The following ERC1 variants were observed in gnomAD, a reference collection of about 807,000 sequenced individuals.
ERC1 encodes RAB6 interacting protein 2.
ERC1 carries 56 observed loss-of-function variants against 132.0 expected under a neutral mutation model. The ratio of observed to expected loss-of-function variants is 0.42; its 90% CI spans 0.34 to 0.53. The LOEUF (loss-of-function observed/expected upper bound fraction) is 0.53. Ranked by LOEUF, ERC1 falls within the 20% of genes least tolerant of loss-of-function variation. The pLI is 0.03. For synonymous variants in ERC1, 478 were observed against 476.1 expected, an observed-to-expected ratio of 1.00 and a Z score of -0.05; for missense variants, 1,202 against 1,349.9, an observed-to-expected ratio of 0.89 and a Z score of 1.72.
intron 12 of ERC1, among the ~76,000 whole-genome samples, chr12:1,221,975 G>A (rs1273271576): frequency 6.6e-6 from 1 of 152,140 alleles, no homozygotes; most frequent in Non-Finnish European, 1.5e-5. Context: ...AACATAGATG[G>A]TCTAGCCTAC....
At chr12:1,318,275 A>G (rs1223927450) in intron 15 of ERC1, among the ~76,000 whole-genome samples, 2 of 152,202 alleles carry the variant, frequency 1.3e-5, no homozygotes, top group Admixed American at 1.3e-4. Flanking sequence ...TTTTGCTGAG[A>G]TACCTGCCAG....
At chr12:1,395,892 C>G (rs1165024824) in intron 16 of ERC1, among the ~76,000 whole-genome samples, 1 of 150,784 alleles carries the variant, frequency 6.6e-6, no homozygotes, top group African/African-American at 2.4e-5. Context: ...GGTGATGTGC[C>G]CAAGAATACC....
chr12:1,467,787 A>C (rs767874839), intron 18 of ERC1, among the ~76,000 whole-genome samples: 3 of 152,212 alleles, frequency 2.0e-5, no homozygotes, highest in Non-Finnish European at 4.4e-5. Flanking sequence ...TTTGGGAGTG[A>C]TGGGAGACAG....
At chr12:1,200,353 C>T (rs1481575894) in intron 12 of ERC1, among the ~76,000 whole-genome samples, 1 of 152,026 alleles carries the variant, frequency 6.6e-6, no homozygotes, top group Non-Finnish European at 1.5e-5. Context: ...GGGAATCTGA[C>T]CTATTTTAAA....
At chr12:1,339,619 G>A (rs1316325328) in intron 15 of ERC1, among the ~76,000 whole-genome samples, 1 of 152,132 alleles carries the variant, frequency 6.6e-6, no homozygotes, top group East Asian at 1.9e-4. Context: ...CAGGGTGCCT[G>A]CCCCCATGTA....
At chr12:1,457,125 T>C (rs2093554693) in intron 18 of ERC1, among the ~76,000 whole-genome samples, 1 of 152,202 alleles carries the variant, frequency 6.6e-6, no homozygotes, top group South Asian at 2.1e-4. Flanking sequence ...TACAGTCACA[T>C]GCTGTACAGG....
intron 15 of ERC1, among the ~76,000 whole-genome samples, chr12:1,336,459 C>T (rs1402427068): frequency 2.0e-5 from 3 of 152,130 alleles, no homozygotes; most frequent in Non-Finnish European, 4.4e-5. Flanking sequence ...TCTTTGTTCT[C>T]ATTAGTTTCA....
At chr12:1,343,210 G>A (rs2084090558) in intron 15 of ERC1, among the ~76,000 whole-genome samples, 1 of 152,176 alleles carries the variant, frequency 6.6e-6, no homozygotes, top group African/African-American at 2.4e-5. Context: ...TGTGCAAACA[G>A]GCATCATAAG....
intron 18 of ERC1, among the ~76,000 whole-genome samples, chr12:1,483,638 A>AAAATC: frequency 6.8e-6 from 1 of 147,440 alleles, no homozygotes; most frequent in Non-Finnish European, 1.5e-5. Flanking sequence ...AAGTAAAAGT[A>AAAATC]AAATCAAAAC....
rs1272111122 is a variant in ERC1, at chr12:1,493,321, T to C, written c.*3091T>C. The C allele has an allele frequency of 1.1e-5, 2 of 179,174 alleles. No individual in the cohort carries two copies. The highest frequency in any genetic ancestry group is 1.8e-4 in the East Asian group (2 of 10,854). 11.1% of individuals were successfully genotyped at this position (179,174 alleles called of 1,614,324 possible). A position where few individuals can be genotyped will look rare whatever the true frequency, so the allele number is the denominator to read the frequency against. ...ACTCTGGAAGGCTGAGGCAGGCGGA[T>C]CACCTGAGATCAGGAGTTCGAGGCC... On this transcript the variant is annotated 3_prime_UTR_variant, in exon 19 of 19. Coordinates refer to ENST00000360905, the MANE Select transcript of ERC1 (RefSeq NM_178040.4).
At chr12:1,414,787 T>C (rs755339847) in intron 17 of ERC1, among the ~76,000 whole-genome samples, 5 of 152,182 alleles carry the variant, frequency 3.3e-5, no homozygotes, top group East Asian at 3.8e-4. Flanking sequence ...TATTTACTTA[T>C]GTATTCCCAT....
At chr12:1,106,277 C>T (rs1233422319) in intron 4 of ERC1, among the ~76,000 whole-genome samples, 1 of 152,156 alleles carries the variant, frequency 6.6e-6, no homozygotes, top group Non-Finnish European at 1.5e-5. Context: ...CTAGCTGTTG[C>T]AGCTGTTATT....
At chr12:1,163,425 A>T (rs1952061423) in intron 8 of ERC1, among the ~76,000 whole-genome samples, 1 of 152,220 alleles carries the variant, frequency 6.6e-6, no homozygotes, top group South Asian at 2.1e-4. Context: ...CTTCAGATAT[A>T]AGTGATTAAA....
intron 15 of ERC1, among the ~76,000 whole-genome samples, chr12:1,366,624 A>C (rs2086392694): frequency 6.6e-6 from 1 of 152,220 alleles, no homozygotes; most frequent in African/African-American, 2.4e-5. Flanking sequence ...TTGCTATGGC[A>C]AGAGACCTAA....
chr12:1,255,629 T>G (rs1277503240), intron 13 of ERC1, among the ~76,000 whole-genome samples: 3 of 122,636 alleles, frequency 2.4e-5, no homozygotes, highest in African/African-American at 1.0e-4. Context: ...GCCTTTTTTT[T>G]TTTTTTTTTT....
At chr12:1,166,114 G>T (rs1039126741) in intron 8 of ERC1, among the ~76,000 whole-genome samples, 2 of 152,170 alleles carry the variant, frequency 1.3e-5, no homozygotes, top group Non-Finnish European at 2.9e-5. Flanking sequence ...GAGGGGCTGG[G>T]TCGAAATGAT....
intron 3 of ERC1, among the ~76,000 whole-genome samples, chr12:1,084,292 T>A: frequency 6.6e-6 from 1 of 152,244 alleles, no homozygotes; most frequent in African/African-American, 2.4e-5. Context: ...GGACTTCAGG[T>A]AATTTTCACT....
intron 15 of ERC1, among the ~76,000 whole-genome samples, chr12:1,355,560 G>A (rs1341545420): frequency 6.6e-6 from 1 of 152,198 alleles, no homozygotes; most frequent in Non-Finnish European, 1.5e-5. Context: ...ATTTGTTACT[G>A]TCTCTTGCTG....
In ERC1 at chr12:1,491,764, A is replaced by C. The variant is rs1262068108; in HGVS notation, c.*1534A>C. 2 of 231,834 alleles carry C rather than the reference A, an allele frequency of 8.6e-6. No individual in the cohort carries two copies. The highest frequency in any genetic ancestry group is 1.2e-4 in the East Asian group (2 of 16,360). The allele number at this position is 231,834 out of a possible 1,614,324, so 14.4% of individuals were successfully genotyped here. Reference sequence around the variant, plus strand: ...GCCAGCTTCATGTTGCAAATCAGAAAGCTGACCCCAAGACTGCAAATCAAT... The same window carrying C: ...GCCAGCTTCATGTTGCAAATCAGAACGCTGACCCCAAGACTGCAAATCAAT... On this transcript the variant is annotated 3_prime_UTR_variant, in exon 19 of 19. Coordinates refer to ENST00000360905, the MANE Select transcript of ERC1 (RefSeq NM_178040.4).
Sources: allele counts gnomAD v4.1 joint callset (sites outside exome capture counted in the v4.1 genomes callset), GRCh38; gene constraint gnomAD v4.1.1; transcripts MANE v1.5; gene names NCBI Gene and HGNC (gene_info 2026-07-23, HGNC 2026-07-21).